Variants in MAP2K6 observed in about 807,000 individuals in gnomAD.
The protein encoded by MAP2K6 is dual specificity mitogen-activated protein kinase kinase 6.
MAP2K6 carries 16 observed loss-of-function variants against 53.7 expected under a neutral mutation model. The ratio of observed to expected loss-of-function variants is 0.30; its 90% CI spans 0.20 to 0.45. The LOEUF (loss-of-function observed/expected upper bound fraction) is 0.45. MAP2K6 is among the 20% of genes least tolerant of loss of function. The pLI, the probability that MAP2K6 is intolerant of heterozygous loss-of-function variation, is 1.00. For missense variants in MAP2K6, 204 were observed against 411.9 expected (o/e 0.50, Z 4.37); for synonymous variants, 132 against 143.1 (o/e 0.92, Z 0.55).
At chr17:69,458,040 T>TGTCCCTCC (rs1169779693) in intron 1 of MAP2K6, among the ~76,000 whole-genome samples, 1 of 152,068 alleles carries the variant, frequency 6.6e-6, no homozygotes, top group Non-Finnish European at 1.5e-5. Flanking sequence ...TCCTTCCTTC[T>TGTCCCTCC]GTCCCTCCTT....
At chr17:69,438,729 C>T (rs1222373198) in intron 1 of MAP2K6, among the ~76,000 whole-genome samples, 3 of 152,100 alleles carry the variant, frequency 2.0e-5, no homozygotes, top group African/African-American at 7.2e-5. Flanking sequence ...ACAGGTGCAC[C>T]ACCACACTGG....
In MAP2K6 at chr17:69,433,066, G is replaced by A. The variant is rs1167931579; in HGVS notation, c.16+18066G>A. 3 of 152,228 alleles carry A rather than the reference G, an allele frequency of 2.0e-5. No individual in the cohort carries two copies. The East Asian group carries it at 5.8e-4, about 29-fold the overall frequency. The allele number at this position is 152,228 out of a possible 1,614,324, so 9.4% of individuals were successfully genotyped here. A position where few individuals can be genotyped will look rare whatever the true frequency, so the allele number is the denominator to read the frequency against. ...TCTAATGGTTAAGTGACAAGTACAA[G>A]CTTAATTGTCCAATGATGTGACAGT... On this transcript the variant is annotated intron_variant, in intron 1 of 11. Coordinates refer to ENST00000590474, the MANE Select transcript of MAP2K6 (RefSeq NM_002758.4).
At chr17:69,533,863 T>C (rs1911218548) in intron 10 of MAP2K6, among the ~76,000 whole-genome samples, 1 of 152,030 alleles carries the variant, frequency 6.6e-6, no homozygotes, top group Admixed American at 6.6e-5. Flanking sequence ...TTTTGCTTCC[T>C]GGGGTTGAGG....
At chr17:69,509,743 T>G (rs1436108921) in intron 2 of MAP2K6, among the ~76,000 whole-genome samples, 1 of 152,170 alleles carries the variant, frequency 6.6e-6, no homozygotes, top group Non-Finnish European at 1.5e-5. Context: ...CTATTAAGTA[T>G]GAAGCGAACT....
At chr17:69,539,073 A>C (rs1911491036) in intron 11 of MAP2K6, among the ~76,000 whole-genome samples, 1 of 152,234 alleles carries the variant, frequency 6.6e-6, no homozygotes. Flanking sequence ...TAACCAGTTC[A>C]TTCAAGTGAT....
At chr17:69,508,077 G>GTTT (rs35028767) in intron 2 of MAP2K6, among the ~76,000 whole-genome samples, 33 of 101,320 alleles carry the variant, frequency 3.3e-4, no homozygotes, top group East Asian at 6.3e-4. Context: ...TTGAGACGGA[G>GTTT]TTTCGCTCTT....
chr17:69,502,690 GAA>G, intron 1 of MAP2K6: 2 of 985,568 alleles, frequency 2.0e-6, no homozygotes, highest in Non-Finnish European at 2.4e-6. Flanking sequence ...TTCAGGGTAA[GAA>G]TGATGTTGAT....
At chr17:69,486,094 T>C (rs1306675304) in intron 1 of MAP2K6, among the ~76,000 whole-genome samples, 2 of 152,202 alleles carry the variant, frequency 1.3e-5, no homozygotes, top group Non-Finnish European at 2.9e-5. Flanking sequence ...GAACATATCA[T>C]ACTTGGAAGC....
chr17:69,541,160 G>T (rs1259270344), intron 11 of MAP2K6, among the ~76,000 whole-genome samples: 1 of 152,182 alleles, frequency 6.6e-6, no homozygotes, highest in African/African-American at 2.4e-5. Flanking sequence ...CTACTCGGGA[G>T]GCTGAGGCAG....
intron 2 of MAP2K6, among the ~76,000 whole-genome samples, chr17:69,515,933 A>G (rs1042795479): frequency 1.3e-5 from 2 of 152,186 alleles, no homozygotes; most frequent in African/African-American, 4.8e-5. Flanking sequence ...ATGTGGTGAA[A>G]TAATTACATA....
intron 5 of MAP2K6, chr17:69,520,024 A>G: frequency 4.6e-6 from 2 of 435,490 alleles, no homozygotes; most frequent in Non-Finnish European, 8.1e-6. Flanking sequence ...ATTAGATTCC[A>G]TTTTTCATTA....
intron 1 of MAP2K6, chr17:69,434,950 G>A (rs1057029384): frequency 6.6e-6 from 1 of 152,092 alleles, no homozygotes; most frequent in Non-Finnish European, 1.5e-5. Flanking sequence ...TGTGAATACA[G>A]AGATAGGGTA....
chr17:69,485,970 C>T (rs1003648127), intron 1 of MAP2K6, among the ~76,000 whole-genome samples: 1 of 148,562 alleles, frequency 6.7e-6, no homozygotes, highest in African/African-American at 2.6e-5. Flanking sequence ...TTTATTTTCT[C>T]ACAGTCAACT....
chr17:69,520,471 T>A, intron 6 of MAP2K6, 85 bp downstream of exon 6: 1 of 748,676 alleles, frequency 1.3e-6, no homozygotes, highest in Non-Finnish European at 2.3e-6. Flanking sequence ...GAAGAAATAC[T>A]ACCTGGGCCA....
rs773342267 is a variant in MAP2K6, at chr17:69,414,960, C to T, written c.-25C>T. The T allele has an allele frequency of 5.2e-6, 8 of 1,545,336 alleles. No homozygotes were observed. Among genetic ancestry groups the T allele is most frequent in the Non-Finnish European group, 7.2e-6 (8 of 1,117,828 alleles). On this transcript the variant is annotated 5_prime_UTR_variant, in exon 1 of 12. Transcript: ENST00000590474. Reference sequence around the variant, plus strand: ...GCAAGGCAAAGTCTTTTGTGCTCCCCTCCCCCATCAAAGGAAAGGGGAAAA... The same window carrying T: ...GCAAGGCAAAGTCTTTTGTGCTCCCTTCCCCCATCAAAGGAAAGGGGAAAA...
intron 1 of MAP2K6, among the ~76,000 whole-genome samples, chr17:69,450,299 C>T (rs1255826973): frequency 6.6e-6 from 1 of 152,058 alleles, no homozygotes; most frequent in Non-Finnish European, 1.5e-5. Context: ...GCAGTAGGCA[C>T]TGCATGAATT....
At chr17:69,473,672 C>T (rs62080952) in intron 1 of MAP2K6, among the ~76,000 whole-genome samples, 476 of 152,120 alleles carry the variant, frequency 3.1e-3, no homozygotes, top group Admixed American at 5.2e-3. Flanking sequence ...AATTGGGAGT[C>T]CTAGGTTTGA....
chr17:69,500,191 G>A (rs896399550), intron 1 of MAP2K6, among the ~76,000 whole-genome samples: 2 of 152,030 alleles, frequency 1.3e-5, no homozygotes, highest in African/African-American at 4.8e-5. Context: ...CCCAGTAACA[G>A]CACTTTGGGA....
chr17:69,459,624 A>C (rs1907544116), intron 1 of MAP2K6, among the ~76,000 whole-genome samples: 1 of 148,608 alleles, frequency 6.7e-6, no homozygotes, highest in Non-Finnish European at 1.5e-5. Context: ...AGGCAGGAGA[A>C]TCGCTTGAAC....
Sources: allele counts gnomAD v4.1 joint callset (sites outside exome capture counted in the v4.1 genomes callset), GRCh38; gene constraint gnomAD v4.1.1; transcripts MANE v1.5; gene names NCBI Gene and HGNC (gene_info 2026-07-23, HGNC 2026-07-21).